The following NXPH1 variants were observed in gnomAD, a reference collection of about 807,000 sequenced individuals.
NXPH1 encodes the protein neurexophilin 1, also known as neurexophilin-1.
In NXPH1, 5 loss-of-function variants were observed where a neutral mutation model predicts 23.7. That is an observed-to-expected ratio of 0.21 (90% CI 0.11 to 0.44). NXPH1 has a LOEUF of 0.44. Ranked by LOEUF, NXPH1 falls within the 20% of genes least tolerant of loss-of-function variation. The probability of loss-of-function intolerance (pLI) is 0.99; values close to 1 mark genes in which losing one functional copy is unlikely to be tolerated. For missense variants in NXPH1, 324 were observed against 321.6 expected, an observed-to-expected ratio of 1.01 and a Z score of -0.06; for synonymous variants, 144 against 122.2, an observed-to-expected ratio of 1.18 and a Z score of -1.18.
At chr7:8,670,060 T>C (rs1820843439) in intron 2 of NXPH1, among the ~76,000 whole-genome samples, 1 of 152,188 alleles carries the variant, frequency 6.6e-6, no homozygotes, top group South Asian at 2.1e-4. Flanking sequence ...AGTATTGGAA[T>C]TGCTCTCTTG....
intron 2 of NXPH1, among the ~76,000 whole-genome samples, chr7:8,563,151 A>C (rs1050552123): frequency 1.3e-5 from 2 of 151,750 alleles, no homozygotes; most frequent in Admixed American, 6.6e-5. Flanking sequence ...AATGAAACCA[A>C]TTCTCTATCA....
At position 8,745,303 on chromosome 7, in the gene NXPH1, A is replaced by C. The variant is rs1562472913; in HGVS notation, c.55-5705A>C. ...ATGGCTAAATCAAGCTATTTACCAT[A>C]TGCATTATCTCACATACTTGTTTTT... On this transcript the variant is annotated intron_variant, in intron 2 of 2. Transcript: ENST00000405863. Among the ~76,000 whole-genome samples, 3 of 152,206 alleles carry C rather than the reference A, an allele frequency of 2.0e-5. 1 individual carries two copies.
intron 2 of NXPH1, among the ~76,000 whole-genome samples, chr7:8,732,884 T>A (rs1452285954): frequency 1.3e-5 from 2 of 152,168 alleles, no homozygotes; most frequent in African/African-American, 2.4e-5. Context: ...TTTAAATTTT[T>A]AAAAAAATTT....
At chr7:8,626,295 C>A (rs1337418078) in intron 2 of NXPH1, among the ~76,000 whole-genome samples, 4 of 151,764 alleles carry the variant, frequency 2.6e-5, no homozygotes, top group Admixed American at 1.3e-4. Context: ...ATCTTTGGGC[C>A]TTAGTCTATT....
chr7:8,556,462 G>A (rs1031999929), intron 2 of NXPH1, among the ~76,000 whole-genome samples: 3 of 151,604 alleles, frequency 2.0e-5, no homozygotes, highest in African/African-American at 4.8e-5. Context: ...GTTGGCTGGG[G>A]GCTTTGATTT....
chr7:8,740,108 A>G (rs1020448279), intron 2 of NXPH1, among the ~76,000 whole-genome samples: 4 of 152,244 alleles, frequency 2.6e-5, no homozygotes, highest in South Asian at 4.1e-4. Context: ...ACAAGTATAG[A>G]ATAGCAGTGC....
At chr7:8,725,426 G>C (rs1378144250) in intron 2 of NXPH1, among the ~76,000 whole-genome samples, 1 of 150,504 alleles carries the variant, frequency 6.6e-6, no homozygotes, top group Non-Finnish European at 1.5e-5. Flanking sequence ...GGAGGCAGAG[G>C]TTGCAGTGAG....
In NXPH1 at chr7:8,507,674, G is replaced by A. The variant is rs190314321; in HGVS notation, c.54+71907G>A. Among the ~76,000 whole-genome samples the A allele has an allele frequency of 3.3e-5, 5 of 152,216 alleles. No homozygotes were observed. The East Asian group carries it at 9.7e-4, about 30-fold the overall frequency. The stretch of plus-strand genomic sequence containing the variant: ...AGCTGCAGCTAGATCATTCCTCAGA[G>A]TGCCTCTAGGGAGTGTTACATTAGA... On this transcript the variant is annotated intron_variant, in intron 2 of 2. Coordinates refer to ENST00000405863, the MANE Select transcript of NXPH1 (RefSeq NM_152745.3).
At chr7:8,591,134 T>C (rs1819086196) in intron 2 of NXPH1, among the ~76,000 whole-genome samples, 1 of 152,070 alleles carries the variant, frequency 6.6e-6, no homozygotes, top group Non-Finnish European at 1.5e-5. Flanking sequence ...AGAAGGATAA[T>C]AAAACCAATG....
chr7:8,497,743 T>A (rs1361685671), intron 2 of NXPH1, among the ~76,000 whole-genome samples: 1 of 152,078 alleles, frequency 6.6e-6, no homozygotes, highest in South Asian at 2.1e-4. Flanking sequence ...GTTTAAGTTC[T>A]TTGTAGATTC....
In NXPH1 at chr7:8,702,454, G is replaced by C. The variant is rs980611530; in HGVS notation, c.55-48554G>C. ...TATCATTCCCCATGCTCTGTCCTTG[G>C]ATTCACATTACTGCTTGTTAGCATA... On this transcript the variant is annotated intron_variant, in intron 2 of 2. Transcript: ENST00000405863. 2.6e-5 allele frequency among the ~76,000 whole-genome samples: 4 copies of C among 152,038 alleles called. 1 individual carries two copies. The highest frequency in any genetic ancestry group is 1.3e-4 in the Admixed American group (2 of 15,234).
At chr7:8,548,926 GGTA>G (rs1818235633) in intron 2 of NXPH1, among the ~76,000 whole-genome samples, 2 of 151,552 alleles carry the variant, frequency 1.3e-5, no homozygotes, top group South Asian at 4.2e-4. Flanking sequence ...GTAGTTAAAT[GGTA>G]GTTAAGATTC....
chr7:8,591,054 A>G (rs964947538), intron 2 of NXPH1, among the ~76,000 whole-genome samples: 5 of 152,090 alleles, frequency 3.3e-5, no homozygotes, highest in Non-Finnish European at 7.4e-5. Flanking sequence ...GGAATAGCTT[A>G]GTTTAGAACA....
chr7:8,475,666 CT>C (rs913882761), intron 2 of NXPH1, among the ~76,000 whole-genome samples: 6 of 151,968 alleles, frequency 3.9e-5, no homozygotes, highest in African/African-American at 1.2e-4. Flanking sequence ...GTGGGAAGCT[CT>C]TTTTTTTCCC....
At chr7:8,656,157 G>T (rs958587837) in intron 2 of NXPH1, among the ~76,000 whole-genome samples, 2 of 152,208 alleles carry the variant, frequency 1.3e-5, no homozygotes, top group African/African-American at 4.8e-5. Flanking sequence ...GCACAAGGAA[G>T]ATATGTATAA....
At chr7:8,491,321 T>A (rs556144809) in intron 2 of NXPH1, among the ~76,000 whole-genome samples, 7 of 152,148 alleles carry the variant, frequency 4.6e-5, no homozygotes, top group African/African-American at 1.4e-4. Flanking sequence ...CCATTTCCAA[T>A]CATTTTGCCC....
intron 2 of NXPH1, among the ~76,000 whole-genome samples, chr7:8,515,884 C>T (rs1315177242): frequency 6.6e-6 from 1 of 152,128 alleles, no homozygotes; most frequent in East Asian, 1.9e-4. Context: ...ATGGGTTACT[C>T]ATTACTCTGC....
At chr7:8,674,448 C>T (rs78737109) in intron 2 of NXPH1, among the ~76,000 whole-genome samples, 2,720 of 152,058 alleles carry the variant, frequency 0.018, 84 homozygotes, top group African/African-American at 0.062. Context: ...GTTCAGAAAA[C>T]GTACCGTATT....
At chr7:8,600,929 T>A (rs1362752501) in intron 2 of NXPH1, among the ~76,000 whole-genome samples, 1 of 152,082 alleles carries the variant, frequency 6.6e-6, no homozygotes, top group Non-Finnish European at 1.5e-5. Context: ...AGACCTTTTT[T>A]TTTTTGTTTT....
Sources: allele counts gnomAD v4.1 joint callset (sites outside exome capture counted in the v4.1 genomes callset), GRCh38; gene constraint gnomAD v4.1.1; transcripts MANE v1.5; gene names NCBI Gene and HGNC (gene_info 2026-07-23, HGNC 2026-07-21).